KANSL1L: variants seen among roughly 807,000 people sequenced by gnomAD.
The protein encoded by KANSL1L is KAT8 regulatory NSL complex subunit 1 like.
A neutral mutation model predicts 108.6 loss-of-function variants in KANSL1L; 25 were observed. The observed-to-expected ratio is 0.23, with a 90% CI of 0.17 to 0.32. The LOEUF is 0.32. Among genes scored for constraint, KANSL1L ranks in the 10% least tolerant of loss-of-function variants. KANSL1L has a pLI of 1.00. For synonymous variants in KANSL1L, 405 were observed against 395.1 expected (o/e 1.03, Z -0.30); for missense variants, 1,137 against 1,125.7 (o/e 1.01, Z -0.14).
At chr2:210,037,224 T>C (rs1243193238) in intron 8 of KANSL1L, among the ~76,000 whole-genome samples, 3 of 152,264 alleles carry the variant, frequency 2.0e-5, no homozygotes, top group African/African-American at 7.2e-5. Context: ...TGCATACTTA[T>C]ATTTTTATCA....
Position 210,075,534 on chromosome 2 carries a change from T to C in KANSL1L, c.1755+18A>G. The C allele has an allele frequency of 6.4e-7, 1 of 1,556,284 alleles. No individual in the cohort carries two copies. The highest frequency in any genetic ancestry group is 8.9e-7 in the Non-Finnish European group (1 of 1,128,766). On this transcript the variant is annotated intron_variant, in intron 6 of 14. Transcript: ENST00000281772. The stretch of plus-strand genomic sequence containing the variant: ...TGGTGAATCTTTGATCATGTTTTCT[T>C]CCCAAAGGCAGCCTTACCTGTGGAG...
intron 2 of KANSL1L, among the ~76,000 whole-genome samples, chr2:210,143,745 T>TA: frequency 6.6e-6 from 1 of 152,318 alleles, no homozygotes; most frequent in East Asian, 1.9e-4. Flanking sequence ...TCTATACTTT[T>TA]ATTCCTCCTA....
chr2:210,118,961 A>G (rs1439080795), intron 3 of KANSL1L, among the ~76,000 whole-genome samples: 3 of 152,058 alleles, frequency 2.0e-5, no homozygotes, highest in Admixed American at 6.5e-5. Flanking sequence ...CGAGGTCAAG[A>G]GATTGAGACT....
At chr2:210,136,784 G>T (rs535932307) in intron 2 of KANSL1L, among the ~76,000 whole-genome samples, 5 of 152,180 alleles carry the variant, frequency 3.3e-5, no homozygotes, top group Admixed American at 6.6e-5. Flanking sequence ...GCCCTGAAAA[G>T]AAATAGGATA....
At chr2:210,032,862 TAATG>T (rs2094038812) in intron 8 of KANSL1L, 1 of 151,994 alleles carries the variant, frequency 6.6e-6, no homozygotes, top group African/African-American at 2.4e-5. Flanking sequence ...TCTCAAGAAA[TAATG>T]AAGCATTCAT....
chr2:210,039,167 T>A (rs2094138856), intron 8 of KANSL1L, among the ~76,000 whole-genome samples: 1 of 151,972 alleles, frequency 6.6e-6, no homozygotes, highest in African/African-American at 2.4e-5. Context: ...ACTTCCAGAA[T>A]AACTTCGTTC....
At chr2:210,031,245 C>T in intron 9 of KANSL1L, 176 bp downstream of exon 9, 2 of 521,108 alleles carry the variant, frequency 3.8e-6, no homozygotes, top group Non-Finnish European at 3.3e-6. Context: ...AGATACCAGT[C>T]CACAAATAAT....
intron 5 of KANSL1L, 156 bp downstream of exon 5, chr2:210,097,930 T>C (rs1328354302): frequency 1.7e-5 from 7 of 423,196 alleles, no homozygotes; most frequent in Non-Finnish European, 2.1e-5. Context: ...AATTTAATAT[T>C]ATCAAAAAAT....
Position 210,021,944 on chromosome 2 carries a change from C to T in KANSL1L, c.*1005G>A, listed in dbSNP as rs1292302558. ...CTATGGCAAAGAATGACCAAATTAGCTAGAAATAGAAATCAGCCAGAATTA... is the reference window on the plus strand; with the variant it reads ...CTATGGCAAAGAATGACCAAATTAGTTAGAAATAGAAATCAGCCAGAATTA... On this transcript the variant is annotated 3_prime_UTR_variant, in exon 15 of 15. Coordinates refer to ENST00000281772, the MANE Select transcript of KANSL1L (RefSeq NM_152519.4). 1 of 149,414 alleles carries T rather than the reference C, an allele frequency of 6.7e-6. No homozygotes were observed. The highest frequency in any genetic ancestry group is 1.5e-5 in the Non-Finnish European group (1 of 67,534). The allele number at this position is 149,414 out of a possible 1,614,324, so 9.3% of individuals were successfully genotyped here.
At chr2:210,108,201 G>A (rs899349924) in intron 3 of KANSL1L, among the ~76,000 whole-genome samples, 1 of 152,112 alleles carries the variant, frequency 6.6e-6, no homozygotes, top group East Asian at 1.9e-4. Context: ...TAAATGTAAT[G>A]AGAAACTACT....
intron 1 of KANSL1L, among the ~76,000 whole-genome samples, chr2:210,167,507 G>T (rs951990103): frequency 1.3e-5 from 2 of 151,834 alleles, no homozygotes; most frequent in Non-Finnish European, 2.9e-5. Context: ...TATCGATTTG[G>T]ATCCAAAAAT....
chr2:210,079,650 A>ATATATGTGTG lies in KANSL1L; in HGVS notation c.1551-3895_1551-3894insCACACATATA, dbSNP rs1559539732. On this transcript the variant is annotated intron_variant, in intron 5 of 14. Coordinates refer to ENST00000281772, the MANE Select transcript of KANSL1L (RefSeq NM_152519.4). Reference sequence around the variant, plus strand: ...TATATATATATATATATATATATATATATATATATATATATGTATGTGTGT... The same window carrying ATATATGTGTG: ...TATATATATATATATATATATATATATATATGTGTGTATATATATATATATGTATGTGTGT... Among the ~76,000 whole-genome samples, 47 of 19,522 alleles carry ATATATGTGTG rather than the reference A, an allele frequency of 2.4e-3. 5 individuals carry two copies. In the East Asian group the frequency reaches 0.058, roughly 24 times the overall value. The allele number at this position is 19,522 out of a possible 152,430, so 12.8% of individuals were successfully genotyped here. A position where few individuals can be genotyped will look rare whatever the true frequency, so the allele number is the denominator to read the frequency against.
At chr2:210,164,688 C>A (rs1172845417) in intron 1 of KANSL1L, among the ~76,000 whole-genome samples, 2 of 151,826 alleles carry the variant, frequency 1.3e-5, no homozygotes, top group Non-Finnish European at 2.9e-5. Context: ...ATGAAAATAT[C>A]AAACTTACAG....
intron 12 of KANSL1L, among the ~76,000 whole-genome samples, chr2:210,025,503 C>T (rs939144332): frequency 1.3e-5 from 2 of 152,132 alleles, no homozygotes; most frequent in African/African-American, 4.8e-5. Context: ...TGCAGTGAGC[C>T]AAGATCGTGC....
At chr2:210,056,282 A>G in intron 6 of KANSL1L, among the ~76,000 whole-genome samples, 1 of 152,304 alleles carries the variant, frequency 6.6e-6, no homozygotes, top group African/African-American at 2.4e-5. Context: ...TCTCTTAGCT[A>G]ATTTCTGTTC....
intron 6 of KANSL1L, among the ~76,000 whole-genome samples, chr2:210,060,931 G>A (rs1372454827): frequency 6.6e-6 from 1 of 152,108 alleles, no homozygotes; most frequent in Non-Finnish European, 1.5e-5. Context: ...TTGCTCAAGG[G>A]CTGCAACTAT....
intron 8 of KANSL1L, chr2:210,032,563 A>G (rs1270283283): frequency 1.3e-5 from 2 of 152,382 alleles, no homozygotes; most frequent in East Asian, 3.9e-4. Flanking sequence ...GCACATGCCA[A>G]TATCTCAGTC....
chr2:210,133,838 A>C (rs769932818), intron 2 of KANSL1L, among the ~76,000 whole-genome samples: 15 of 152,122 alleles, frequency 9.9e-5, no homozygotes, highest in Non-Finnish European at 1.9e-4. Context: ...TAATTTCTAC[A>C]TATTTCAGAC....
chr2:210,083,408 T>C (rs754890960), intron 5 of KANSL1L, among the ~76,000 whole-genome samples: 2 of 152,206 alleles, frequency 1.3e-5, no homozygotes, highest in African/African-American at 2.4e-5. Context: ...CTTTTCCAGT[T>C]GGAAGTCCTT....
Sources: gnomAD v4.1 joint callset for allele counts (sites outside exome capture counted in the v4.1 genomes callset) on GRCh38, gnomAD v4.1.1 for gene constraint, MANE v1.5 for transcripts, NCBI Gene and HGNC (gene_info 2026-07-23, HGNC 2026-07-21) for gene names.